The following SNX19 variants were observed in gnomAD, a reference collection of about 807,000 sequenced individuals.
SNX19 encodes sorting nexin 19, also known as sorting nexin-19.
Under a neutral mutation model 85.2 loss-of-function variants are expected in SNX19, and 60 were observed. The observed-to-expected ratio is 0.70, with a 90% CI of 0.57 to 0.87. SNX19 has a LOEUF of 0.87. Ranked by LOEUF, SNX19 falls within the 40% of genes least tolerant of loss-of-function variation. SNX19 has a pLI of 0.00. For synonymous variants in SNX19, 520 were observed against 470.0 expected (o/e 1.11, Z -1.38); for missense variants, 1,201 against 1,217.8 (o/e 0.99, Z 0.21).
At position 130,876,244 on chromosome 11, in the gene SNX19, G is replaced by T. The variant is rs1943240562; in HGVS notation, c.*2178C>A. ...AGCTGGGAGTATCTTTTCTACCTGT[G>T]GCTCTCTACCAATTGTTACTCTCTT... On this transcript the variant is annotated 3_prime_UTR_variant, in exon 11 of 11. Transcript: ENST00000265909. 6.7e-6 allele frequency: 1 copy of T among 149,764 alleles called. No homozygotes were observed. The highest frequency in any genetic ancestry group is 2.4e-5 in the African/African-American group (1 of 40,826). 9.3% of individuals were successfully genotyped at this position (149,764 alleles called of 1,614,324 possible). A position where few individuals can be genotyped will look rare whatever the true frequency, so the allele number is the denominator to read the frequency against.
intron 2 of SNX19, 47 bp from the exon 3 acceptor site, chr11:130,910,417 C>T (rs1946015696): frequency 1.5e-6 from 2 of 1,322,616 alleles, no homozygotes; most frequent in African/African-American, 1.5e-5. Flanking sequence ...TTAACATTCA[C>T]AGAGAGCTAT....
chr11:130,900,729 G>C (rs542207078), intron 8 of SNX19, among the ~76,000 whole-genome samples: 8 of 152,110 alleles, frequency 5.3e-5, no homozygotes, highest in Middle Eastern at 3.4e-3. Flanking sequence ...ATGACCTCAA[G>C]GAGAAGGGGT....
In SNX19 at chr11:130,871,747, G is replaced by GTAA. The variant is rs1345853818; in HGVS notation, c.*6672_*6674dup. Among the ~76,000 whole-genome samples the GTAA allele has an allele frequency of 6.6e-6, 1 of 152,184 alleles. No homozygotes were observed. The highest frequency in any genetic ancestry group is 2.4e-5 in the African/African-American group (1 of 41,430). ...CATGGGTTAATCAAAGTTTCTGGAA[G>GTAA]TAATCACAGCCAACTCTTCTTTGCT... On this transcript the variant is annotated 3_prime_UTR_variant, in exon 11 of 11. Coordinates refer to ENST00000265909, the MANE Select transcript of SNX19 (RefSeq NM_014758.3).
rs547284761 is a variant in SNX19 at position 130,868,916 on chromosome 11, T to C, written c.*9506A>G. 1 of 152,368 alleles carries C rather than the reference T, an allele frequency of 6.6e-6. No homozygotes were observed. Among genetic ancestry groups the C allele is most frequent in the South Asian group, 2.1e-4 (1 of 4,832 alleles). The allele number at this position is 152,368 out of a possible 1,614,324, so 9.4% of individuals were successfully genotyped here. A position where few individuals can be genotyped will look rare whatever the true frequency, so the allele number is the denominator to read the frequency against. On this transcript the variant is annotated 3_prime_UTR_variant, in exon 11 of 11. Coordinates refer to ENST00000265909, the MANE Select transcript of SNX19 (RefSeq NM_014758.3). ...AGGAGGAAAGAAATATGTTACTCAC[T>C]GCCACAAGAAGGTTGCCAACGTCAT...
chr11:130,891,012 T>C (rs1388933849), intron 8 of SNX19, among the ~76,000 whole-genome samples: 1 of 151,860 alleles, frequency 6.6e-6, no homozygotes, highest in Non-Finnish European at 1.5e-5. Context: ...TCTTAAAGCA[T>C]GGCACACAGT....
chr11:130,912,385 G>A (rs1946195571), intron 1 of SNX19, among the ~76,000 whole-genome samples: 1 of 152,178 alleles, frequency 6.6e-6, no homozygotes, highest in Admixed American at 6.5e-5. Flanking sequence ...AAAGTCCACT[G>A]TCTTCCTAAG....
intron 8 of SNX19, among the ~76,000 whole-genome samples, chr11:130,885,976 T>A (rs988699225): frequency 4.6e-5 from 7 of 152,190 alleles, no homozygotes; most frequent in African/African-American, 1.4e-4. Context: ...TATAAAACAT[T>A]CCACAACATC....
chr11:130,916,239 G>A lies in SNX19; in HGVS notation c.-300C>T, dbSNP rs942190685. 1.3e-5 allele frequency: 5 copies of A among 391,352 alleles called. No individual in the cohort carries two copies. The Admixed American group carries it at 2.1e-4, about 16-fold the overall frequency. The allele number at this position is 391,352 out of a possible 1,614,324, so 24.2% of individuals were successfully genotyped here. A position where few individuals can be genotyped will look rare whatever the true frequency, so the allele number is the denominator to read the frequency against. On this transcript the variant is annotated 5_prime_UTR_variant, in exon 1 of 11. Coordinates refer to ENST00000265909, the MANE Select transcript of SNX19 (RefSeq NM_014758.3). ...AGGCGGAAGGCCTCTTCGGGGCCTC[G>A]GGGCGGGCGCTGCAAGGCCCTGGGG... is the stretch of plus-strand genomic sequence containing the variant.
rs1201153049 is a variant in SNX19 at position 130,873,783 on chromosome 11, G to C, written c.*4639C>G. Among the ~76,000 whole-genome samples the C allele has an allele frequency of 1.3e-5, 2 of 152,172 alleles. No homozygotes were observed. The highest frequency in any genetic ancestry group is 2.9e-5 in the Non-Finnish European group (2 of 68,026). On this transcript the variant is annotated 3_prime_UTR_variant, in exon 11 of 11. Transcript: ENST00000265909. ...GCTGGTACCAGGCATTTTGGGAGTA[G>C]ATAGGGGATCTGCTGAATGTTGGCA...
At chr11:130,912,369 G>A (rs58971249) in intron 1 of SNX19, among the ~76,000 whole-genome samples, 9,644 of 152,230 alleles carry the variant, frequency 0.063, 942 homozygotes, top group African/African-American at 0.21. Flanking sequence ...GATGTGATAA[G>A]GGGTCAAAGT....
At chr11:130,886,769 C>G (rs1893019) in intron 8 of SNX19, among the ~76,000 whole-genome samples, 66,342 of 152,048 alleles carry the variant, frequency 0.44, 14,782 homozygotes, top group South Asian at 0.56. Context: ...GTTCCCAGGC[C>G]TCTGTCTTCC....
rs1942823157 is a variant in SNX19 at position 130,867,641 on chromosome 11, T to C, written c.*10781A>G. ...TTCTTTCCTTTCTTCCTTCCTTAAA[T>C]TGAGACCCAAATGAGGTGGAAGAAA... On this transcript the variant is annotated 3_prime_UTR_variant, in exon 11 of 11. Coordinates refer to ENST00000265909, the MANE Select transcript of SNX19 (RefSeq NM_014758.3). The C allele has an allele frequency of 6.6e-6, 1 of 152,204 alleles. No homozygotes were observed. Among genetic ancestry groups the C allele is most frequent in the African/African-American group, 2.4e-5 (1 of 41,448 alleles). 9.4% of individuals were successfully genotyped at this position (152,204 alleles called of 1,614,324 possible).
chr11:130,894,868 T>G, intron 8 of SNX19: 1 of 985,198 alleles, frequency 1.0e-6, no homozygotes, highest in Non-Finnish European at 1.2e-6. Flanking sequence ...CTATAAAGCC[T>G]CTCTAACATT....
At position 130,916,451 on chromosome 11, in the gene SNX19, T is replaced by TGACCGCCGGCC. The variant is rs1384200870; in HGVS notation, c.-523_-513dup. ...TCCGCAGCCGGGCCTGTGTGAAGGC[T>TGACCGCCGGCC]GACCGCCGGCCGGCCGCCGGCGACA... On this transcript the variant is annotated 5_prime_UTR_variant, in exon 1 of 11. Coordinates refer to ENST00000265909, the MANE Select transcript of SNX19 (RefSeq NM_014758.3). 1 of 152,300 alleles carries TGACCGCCGGCC rather than the reference T, an allele frequency of 6.6e-6. No homozygotes were observed. Among genetic ancestry groups the TGACCGCCGGCC allele is most frequent in the Non-Finnish European group, 1.5e-5 (1 of 68,098 alleles). The allele number at this position is 152,300 out of a possible 1,614,324, so 9.4% of individuals were successfully genotyped here. A position where few individuals can be genotyped will look rare whatever the true frequency, so the allele number is the denominator to read the frequency against.
chr11:130,915,094 G>C lies in SNX19; in HGVS notation c.846C>G (p.Pro282=), dbSNP rs1277595983. ...RDPAPCPASA[P]EQPSVPTSLP... ...GAGATGTCGGCACTGAGGGCTGTTCGGGGGCACTGGCTGGGCAGGGTGCTG... is the reference window on the plus strand; with the variant it reads ...GAGATGTCGGCACTGAGGGCTGTTCCGGGGCACTGGCTGGGCAGGGTGCTG... Residue 282 remains proline, a synonymous_variant, in exon 1 of 11, where the codon CCC becomes CCG. Transcript: ENST00000265909. 1.9e-6 allele frequency: 3 copies of C among 1,613,644 alleles called. No individual in the cohort carries two copies. Among genetic ancestry groups the C allele is most frequent in the South Asian group, 1.1e-5 (1 of 91,058 alleles).
At chr11:130,909,944 A>C in intron 4 of SNX19, 74 bp downstream of exon 4, 1 of 1,586,060 alleles carries the variant, frequency 6.3e-7, no homozygotes, top group South Asian at 1.1e-5. Flanking sequence ...TTTTTCAAGG[A>C]CTGCCTCCAT....
At chr11:130,911,359 A>G in intron 2 of SNX19, 2 of 953,116 alleles carry the variant, frequency 2.1e-6, no homozygotes, top group Non-Finnish European at 2.7e-6. Context: ...CCTCACACCA[A>G]CTTACAGGCA....
intron 8 of SNX19, among the ~76,000 whole-genome samples, chr11:130,887,224 G>T (rs1944150731): frequency 6.6e-6 from 1 of 152,106 alleles, no homozygotes; most frequent in Non-Finnish European, 1.5e-5. Context: ...ACACATCACA[G>T]ATATAAAATT....
At position 130,871,205 on chromosome 11, in the gene SNX19, A is replaced by G. The variant is rs373953931; in HGVS notation, c.*7217T>C. On this transcript the variant is annotated 3_prime_UTR_variant, in exon 11 of 11. Coordinates refer to ENST00000265909, the MANE Select transcript of SNX19 (RefSeq NM_014758.3). The stretch of plus-strand genomic sequence containing the variant: ...GTCTAACCTCCTGCCTAAACCATCT[A>G]TAATACATTCTGTCCCCAAGAAAAT... 7.9e-5 allele frequency among the ~76,000 whole-genome samples: 12 copies of G among 152,322 alleles called. No homozygotes were observed. In the South Asian group the frequency reaches 1.5e-3, roughly 18 times the overall value.
Sources: gnomAD v4.1 joint callset for allele counts (sites outside exome capture counted in the v4.1 genomes callset) on GRCh38, gnomAD v4.1.1 for gene constraint, MANE v1.5 for transcripts, NCBI Gene and HGNC (gene_info 2026-07-23, HGNC 2026-07-21) for gene names.